The following POLD3 variants were observed in gnomAD, a reference collection of about 807,000 sequenced individuals.
The protein encoded by POLD3 is DNA polymerase delta subunit 3.
Under a neutral mutation model 58.2 loss-of-function variants are expected in POLD3, and 19 were observed. The observed-to-expected ratio is 0.33, with a 90% confidence interval of 0.23 to 0.48. The LOEUF (loss-of-function observed/expected upper bound fraction) is 0.48. POLD3 is among the 20% of genes least tolerant of loss of function. The pLI, the probability that POLD3 is intolerant of heterozygous loss-of-function variation, is 0.99. For missense variants in POLD3, 504 were observed against 545.5 expected, an observed-to-expected ratio of 0.92 and a Z score of 0.76; for synonymous variants, 172 against 193.5, an observed-to-expected ratio of 0.89 and a Z score of 0.92.
chr11:74,611,203 G>A (rs919594454), intron 3 of POLD3, among the ~76,000 whole-genome samples: 2 of 152,122 alleles, frequency 1.3e-5, no homozygotes, highest in African/African-American at 4.8e-5. Flanking sequence ...TCACTAAAAA[G>A]CCTTTGCTCA....
intron 11 of POLD3, among the ~76,000 whole-genome samples, chr11:74,637,766 G>A (rs1442098539): frequency 6.6e-6 from 1 of 150,572 alleles, no homozygotes; most frequent in Non-Finnish European, 1.5e-5. Flanking sequence ...GGACTGTTAA[G>A]AGCCTTGGAT....
rs1216202208 is a variant in POLD3 at position 74,640,847 on chromosome 11, T to C, written c.*81T>C. On this transcript the variant is annotated 3_prime_UTR_variant, in exon 12 of 12. Transcript: ENST00000263681. Reference sequence around the variant, plus strand: ...ATGTACTCCTCACTTACTATGTAAGTTCATCTAGATCTCCACCTCACCTGT... The same window carrying C: ...ATGTACTCCTCACTTACTATGTAAGCTCATCTAGATCTCCACCTCACCTGT... The C allele has an allele frequency of 1.4e-6, 2 of 1,382,094 alleles. No homozygotes were observed. The highest frequency in any genetic ancestry group is 1.9e-6 in the Non-Finnish European group (2 of 1,064,204). The allele number at this position is 1,382,094 out of a possible 1,614,324, so 85.6% of individuals were successfully genotyped here. A position where few individuals can be genotyped will look rare whatever the true frequency, so the allele number is the denominator to read the frequency against.
chr11:74,666,691 A>G (rs2033272587), intron 4 of POLD3, among the ~76,000 whole-genome samples: 1 of 152,220 alleles, frequency 6.6e-6, no homozygotes. Flanking sequence ...ATCTCTTATC[A>G]AAATCCCAGC....
rs748591771 is a variant in POLD3, at chr11:74,640,782, A to G, written c.*16A>G. 1.1e-5 allele frequency: 17 copies of G among 1,564,456 alleles called. No individual in the cohort carries two copies. In the East Asian group the frequency reaches 2.9e-4, roughly 27 times the overall value. On this transcript the variant is annotated 3_prime_UTR_variant, in exon 12 of 12. Coordinates refer to ENST00000263681, the MANE Select transcript of POLD3 (RefSeq NM_006591.3). ...GAGGAAATAAACTGCCATCTCTGGT[A>G]GATCAGAGACTTGGAGTGGTCAAGG...
At chr11:74,654,304 T>G (rs2033104891) in intron 4 of POLD3, among the ~76,000 whole-genome samples, 1 of 152,114 alleles carries the variant, frequency 6.6e-6, no homozygotes, top group Admixed American at 6.5e-5. Flanking sequence ...TATATTAATA[T>G]CACATGAAGT....
chr11:74,646,325 G>A (rs2032999587), downstream of POLD3, among the ~76,000 whole-genome samples: 1 of 152,132 alleles, frequency 6.6e-6, no homozygotes. Flanking sequence ...ATCCAAGATT[G>A]TCAGATTTGA....
chr11:74,667,557 ATATTTTACTGCAATTT>A (rs2033287387), intron 4 of POLD3, among the ~76,000 whole-genome samples: 1 of 151,826 alleles, frequency 6.6e-6, no homozygotes, highest in African/African-American at 2.4e-5. Flanking sequence ...TATGTCATGA[ATATTTTACTGCAATTT>A]AAAAATTTTA....
chr11:74,655,989 G>A (rs1210997975), intron 4 of POLD3, among the ~76,000 whole-genome samples: 1 of 152,182 alleles, frequency 6.6e-6, no homozygotes, highest in Non-Finnish European at 1.5e-5. Flanking sequence ...TAACGTGACA[G>A]GATACGAGGC....
At position 74,642,928 on chromosome 11, in the gene POLD3, A is replaced by T. The variant is rs1007750315; in HGVS notation, c.*2162A>T. The T allele has an allele frequency of 7.9e-5, 78 of 985,094 alleles. 1 individual carries two copies. The South Asian group carries it at 3.3e-3, about 42-fold the overall frequency. The allele number at this position is 985,094 out of a possible 1,614,324, so 61.0% of individuals were successfully genotyped here. Reference sequence around the variant, plus strand: ...GGAAATGTTAGTTTCAGCCAACCTCATTTTTTAGTTCATCTAGAAGAAAAT... The same window carrying T: ...GGAAATGTTAGTTTCAGCCAACCTCTTTTTTTAGTTCATCTAGAAGAAAAT... On this transcript the variant is annotated 3_prime_UTR_variant, in exon 12 of 12. Coordinates refer to ENST00000263681, the MANE Select transcript of POLD3 (RefSeq NM_006591.3).
intron 4 of POLD3, among the ~76,000 whole-genome samples, chr11:74,648,815 G>T (rs2033033298): frequency 6.6e-6 from 1 of 152,146 alleles, no homozygotes; most frequent in Non-Finnish European, 1.5e-5. Context: ...GTAGCCTAAA[G>T]GTATAAAGTA....
At chr11:74,664,572 C>T (rs2033243386) in intron 4 of POLD3, among the ~76,000 whole-genome samples, 1 of 152,014 alleles carries the variant, frequency 6.6e-6, no homozygotes, top group African/African-American at 2.4e-5. Flanking sequence ...ACACCAAAAC[C>T]AGACAAAGAC....
intron 4 of POLD3, among the ~76,000 whole-genome samples, chr11:74,653,473 T>C (rs1182669375): frequency 6.6e-6 from 1 of 152,208 alleles, no homozygotes; most frequent in Non-Finnish European, 1.5e-5. Context: ...TTAATAACTT[T>C]TTAAACAACT....
At chr11:74,603,298 A>G (rs183159138) in intron 2 of POLD3, among the ~76,000 whole-genome samples, 4 of 152,290 alleles carry the variant, frequency 2.6e-5, no homozygotes, top group Admixed American at 2.6e-4. Context: ...AGTCTAGTCA[A>G]GAGATTTGGA....
intron 11 of POLD3, chr11:74,638,627 G>T: frequency 2.2e-6 from 1 of 455,928 alleles, no homozygotes; most frequent in South Asian, 1.6e-5. Context: ...TGCTTTTGAA[G>T]ATGCATGTGA....
In POLD3 at chr11:74,618,713, A is replaced by G. The variant is rs992645696; in HGVS notation, c.569A>G (p.Lys190Arg). The G allele has an allele frequency of 1.2e-6, 2 of 1,614,026 alleles. No homozygotes were observed. The highest frequency in any genetic ancestry group is 2.2e-5 in the East Asian group (1 of 44,900). Residue 190 changes from lysine to arginine, a missense_variant, in exon 6 of 12, where the codon AAA (lysine) becomes AGA (arginine). Transcript: ENST00000263681. ...PASKQVSQQP[K>R]GIMGMFASKA... ...TCCAAGCAGGTTTCCCAGCAGCCCA[A>G]AGGAATTATGGGAATGTTTGCCTCC...
intron 1 of POLD3, among the ~76,000 whole-genome samples, chr11:74,593,510 G>A (rs1162112073): frequency 6.6e-6 from 1 of 152,230 alleles, no homozygotes; most frequent in East Asian, 1.9e-4. Flanking sequence ...GACTTTGAGA[G>A]AAGAGAGTGC....
In POLD3 at chr11:74,629,179, CTG is replaced by C. The variant is rs751515626; in HGVS notation, c.900-34_900-33del. 5.7e-6 allele frequency: 7 copies of C among 1,218,360 alleles called. No homozygotes were observed. The Admixed American group carries it at 1.3e-4, about 23-fold the overall frequency. The allele number at this position is 1,218,360 out of a possible 1,614,324, so 75.5% of individuals were successfully genotyped here. On this transcript the variant is annotated intron_variant, in intron 8 of 11. Coordinates refer to ENST00000263681, the MANE Select transcript of POLD3 (RefSeq NM_006591.3). ...GCATGTGAATACTTACATTTTTGTTCTGTGTAACACGCTTAATTTATTTCTGG... is the reference window on the plus strand; with the variant it reads ...GCATGTGAATACTTACATTTTTGTTCTGTAACACGCTTAATTTATTTCTGG...
chr11:74,594,489 C>G (rs1034889161), intron 2 of POLD3, among the ~76,000 whole-genome samples: 1 of 152,150 alleles, frequency 6.6e-6, no homozygotes, highest in African/African-American at 2.4e-5. Context: ...AGACATGATT[C>G]AGTCTGTAAT....
intron 4 of POLD3, among the ~76,000 whole-genome samples, chr11:74,667,157 T>C (rs2033280052): frequency 6.6e-6 from 1 of 152,176 alleles, no homozygotes; most frequent in Non-Finnish European, 1.5e-5. Flanking sequence ...CCAGTAGGCA[T>C]AGAGTTTCAG....
Sources: allele counts gnomAD v4.1 joint callset (sites outside exome capture counted in the v4.1 genomes callset), GRCh38; gene constraint gnomAD v4.1.1; transcripts MANE v1.5; gene names NCBI Gene and HGNC (gene_info 2026-07-23, HGNC 2026-07-21).